SRPK2: variants seen among roughly 807,000 people sequenced by gnomAD.
SRPK2 encodes SRSF protein kinase 2.
SRPK2 carries 21 observed loss-of-function variants against 90.8 expected under a neutral mutation model. That is an observed-to-expected ratio of 0.23 (90% CI 0.16 to 0.33). The LOEUF (loss-of-function observed/expected upper bound fraction) is 0.33, where lower values mean the gene tolerates loss of function less well. Among genes scored for constraint, SRPK2 ranks in the 10% least tolerant of loss-of-function variants. SRPK2 has a pLI of 1.00. For synonymous variants in SRPK2, 288 were observed against 311.1 expected, an observed-to-expected ratio of 0.93 and a Z score of 0.78; for missense variants, 620 against 869.0, an observed-to-expected ratio of 0.71 and a Z score of 3.60.
At chr7:105,334,556 G>A (rs184720499) in intron 2 of SRPK2, among the ~76,000 whole-genome samples, 127 of 152,150 alleles carry the variant, frequency 8.3e-4, no homozygotes, top group African/African-American at 3.0e-3. Flanking sequence ...TATACAGTTT[G>A]GCTGGGCACG....
intron 9 of SRPK2, chr7:105,143,634 C>T (rs1804126413): frequency 3.0e-6 from 1 of 331,454 alleles, no homozygotes; most frequent in Non-Finnish European, 5.5e-6. Context: ...TTCTCTTGGC[C>T]TTAAAGGAGA....
chr7:105,283,890 A>G (rs1369749464), intron 2 of SRPK2, among the ~76,000 whole-genome samples: 2 of 151,950 alleles, frequency 1.3e-5, no homozygotes, highest in Non-Finnish European at 2.9e-5. Flanking sequence ...CAGCTACTCA[A>G]GAGACTGAAG....
At chr7:105,379,134 C>T (rs971326789) in intron 2 of SRPK2, among the ~76,000 whole-genome samples, 1 of 151,430 alleles carries the variant, frequency 6.6e-6, no homozygotes, top group South Asian at 2.1e-4. Flanking sequence ...GCCAACAAAG[C>T]AAGACCCAGT....
chr7:105,188,550 C>G (rs1203035542), intron 3 of SRPK2, among the ~76,000 whole-genome samples: 1 of 152,102 alleles, frequency 6.6e-6, no homozygotes, highest in African/African-American at 2.4e-5. Context: ...TTACTGCTTC[C>G]TAGTCAACAT....
intron 2 of SRPK2, among the ~76,000 whole-genome samples, chr7:105,337,703 G>A (rs1386679994): frequency 6.6e-6 from 1 of 152,130 alleles, no homozygotes; most frequent in Non-Finnish European, 1.5e-5. Flanking sequence ...GAAGGCATCT[G>A]CAAGCCAAGA....
intron 11 of SRPK2, among the ~76,000 whole-genome samples, chr7:105,136,723 G>C (rs182313619): frequency 6.5e-4 from 99 of 152,246 alleles, no homozygotes; most frequent in Admixed American, 5.3e-3. Context: ...ACATCATAAG[G>C]GGTCCTTACA....
At chr7:105,242,673 G>T (rs1366355732) in intron 2 of SRPK2, among the ~76,000 whole-genome samples, 1 of 152,156 alleles carries the variant, frequency 6.6e-6, no homozygotes, top group East Asian at 1.9e-4. Flanking sequence ...TGAAACAAGT[G>T]ACAAAAACAA....
At chr7:105,316,738 C>G (rs1228468101) in intron 2 of SRPK2, among the ~76,000 whole-genome samples, 1 of 152,176 alleles carries the variant, frequency 6.6e-6, no homozygotes, top group Admixed American at 6.5e-5. Flanking sequence ...TTGGATTAGC[C>G]TCTTCTCACT....
intron 1 of SRPK2, among the ~76,000 whole-genome samples, chr7:105,395,065 C>T (rs1006467441): frequency 6.6e-6 from 1 of 152,084 alleles, no homozygotes; most frequent in Non-Finnish European, 1.5e-5. Flanking sequence ...CCCAGCTACT[C>T]AGGAGGCTGA....
intron 3 of SRPK2, among the ~76,000 whole-genome samples, chr7:105,195,858 T>C (rs556399891): frequency 6.6e-5 from 10 of 152,316 alleles, no homozygotes; most frequent in African/African-American, 2.2e-4. Flanking sequence ...AGGCCACAGA[T>C]TGTTCTACTG....
chr7:105,346,254 G>A (rs1816443894), intron 2 of SRPK2, among the ~76,000 whole-genome samples: 1 of 152,070 alleles, frequency 6.6e-6, no homozygotes, highest in Non-Finnish European at 1.5e-5. Context: ...TTACTAATTG[G>A]CTTCAAACCA....
At chr7:105,270,988 CCTT>C (rs1391222878) in intron 2 of SRPK2, among the ~76,000 whole-genome samples, 2 of 152,278 alleles carry the variant, frequency 1.3e-5, no homozygotes, top group African/African-American at 2.4e-5. Context: ...TCCACCTTCT[CCTT>C]CTTATCATCA....
At chr7:105,213,101 T>C (rs978588449) in intron 2 of SRPK2, among the ~76,000 whole-genome samples, 2 of 152,138 alleles carry the variant, frequency 1.3e-5, no homozygotes, top group African/African-American at 4.8e-5. Flanking sequence ...CTGGAACCAA[T>C]CTCCCACAAA....
chr7:105,365,918 G>C (rs1281726798), intron 2 of SRPK2, among the ~76,000 whole-genome samples: 3 of 151,186 alleles, frequency 2.0e-5, no homozygotes, highest in South Asian at 4.2e-4. Context: ...TGCATGGCGC[G>C]ATCTCGGCTC....
At position 105,387,831 on chromosome 7, in the gene SRPK2, G is replaced by A. The variant is rs540057917; in HGVS notation, c.71+817C>T. ...GGAGAAGACGCGGCGGCGCTGTGCGGTCTCGGAGCAGCTCTCCAGGAAAGG... is the reference window on the plus strand; with the variant it reads ...GGAGAAGACGCGGCGGCGCTGTGCGATCTCGGAGCAGCTCTCCAGGAAAGG... On this transcript the variant is annotated intron_variant, in intron 2 of 15. Transcript: ENST00000393651. 2.0e-5 allele frequency among the ~76,000 whole-genome samples: 3 copies of A among 152,354 alleles called. No homozygotes were observed. In the South Asian group the frequency reaches 6.2e-4, roughly 32 times the overall value.
intron 2 of SRPK2, among the ~76,000 whole-genome samples, chr7:105,319,317 GAAGAGTTT>G (rs1340112041): frequency 2.0e-5 from 3 of 152,036 alleles, no homozygotes; most frequent in African/African-American, 7.3e-5. Flanking sequence ...TCTAAGAATA[GAAGAGTTT>G]AAGTATACAG....
At chr7:105,260,704 T>TA (rs1221301201) in intron 2 of SRPK2, among the ~76,000 whole-genome samples, 1 of 152,048 alleles carries the variant, frequency 6.6e-6, no homozygotes, top group Non-Finnish European at 1.5e-5. Context: ...TATGCAGCCA[T>TA]AAAAAAGGAT....
chr7:105,298,214 G>A (rs1393210523), intron 2 of SRPK2, among the ~76,000 whole-genome samples: 2 of 152,150 alleles, frequency 1.3e-5, no homozygotes, highest in African/African-American at 4.8e-5. Context: ...GGCAACTACT[G>A]ATGTGTTTCC....
chr7:105,146,110 A>T (rs1804589964), intron 8 of SRPK2, among the ~76,000 whole-genome samples: 1 of 152,214 alleles, frequency 6.6e-6, no homozygotes, highest in South Asian at 2.1e-4. Flanking sequence ...TGACATAGCT[A>T]TGCTAAATGG....
Sources: allele counts gnomAD v4.1 joint callset (sites outside exome capture counted in the v4.1 genomes callset), GRCh38; gene constraint gnomAD v4.1.1; transcripts MANE v1.5; gene names NCBI Gene and HGNC (gene_info 2026-07-23, HGNC 2026-07-21).